IFNGR2: variants seen among roughly 807,000 people sequenced by gnomAD.
IFNGR2 encodes the protein interferon gamma receptor 2, also known as IFN-gamma receptor 2.
Under a neutral mutation model 41.1 loss-of-function variants are expected in IFNGR2, and 15 were observed. The ratio of observed to expected loss-of-function variants is 0.37; its 90% confidence interval spans 0.24 to 0.56. The LOEUF is 0.56. Ranked by LOEUF, IFNGR2 falls within the 20% of genes least tolerant of loss-of-function variation. IFNGR2 has a pLI of 0.81. For missense variants in IFNGR2, 362 were observed against 415.7 expected, an observed-to-expected ratio of 0.87 and a Z score of 1.12; for synonymous variants, 161 against 171.6, an observed-to-expected ratio of 0.94 and a Z score of 0.48.
intron 1 of IFNGR2, among the ~76,000 whole-genome samples, chr21:33,412,851 G>A (rs547746604): frequency 6.6e-6 from 1 of 152,302 alleles, no homozygotes; most frequent in East Asian, 1.9e-4. Context: ...CACTGTGCCC[G>A]GCCAGGAGTT....
intron 2 of IFNGR2, among the ~76,000 whole-genome samples, chr21:33,415,901 G>A (rs1340654248): frequency 1.3e-5 from 2 of 152,116 alleles, no homozygotes; most frequent in East Asian, 1.9e-4. Flanking sequence ...TCCCTCTATC[G>A]CCCAGGCTGG....
intron 1 of IFNGR2, among the ~76,000 whole-genome samples, chr21:33,403,915 A>G (rs2083659228): frequency 6.6e-6 from 1 of 151,702 alleles, no homozygotes; most frequent in Non-Finnish European, 1.5e-5. Context: ...CAGCAGGAAG[A>G]CGGGGGGCAC....
intron 3 of IFNGR2, 90 bp from the exon 4 acceptor site, chr21:33,426,786 TATATATAC>T: frequency 1.6e-6 from 1 of 633,690 alleles, no homozygotes; most frequent in Non-Finnish European, 2.6e-6. Flanking sequence ...ACTATATATA[TATATATAC>T]ATATATATAT....
chr21:33,409,726 G>A (rs1446790833), intron 1 of IFNGR2, among the ~76,000 whole-genome samples: 1 of 152,178 alleles, frequency 6.6e-6, no homozygotes, highest in Non-Finnish European at 1.5e-5. Context: ...AATTAGGTAT[G>A]GCGCTTGAGA....
intron 4 of IFNGR2, among the ~76,000 whole-genome samples, chr21:33,427,844 C>CTTTTTTTTTT (rs71194844): frequency 3.2e-5 from 4 of 125,508 alleles, no homozygotes; most frequent in Non-Finnish European, 6.5e-5. Flanking sequence ...CTCATTTCAT[C>CTTTTTTTTTT]TTTTTTTTTT....
At position 33,425,870 on chromosome 21, in the gene IFNGR2, G is replaced by A. The variant is rs1046528946; in HGVS notation, c.413-1014G>A. Among the ~76,000 whole-genome samples, 7 of 152,354 alleles carry A rather than the reference G, an allele frequency of 4.6e-5. No individual in the cohort carries two copies. In the East Asian group the frequency reaches 1.2e-3, roughly 25 times the overall value. ...GGGGAGAGAATCCAGCCCTGCTGTT[G>A]TGAACACACAGTGACAGGATTGTCT... On this transcript the variant is annotated intron_variant, in intron 3 of 6. Transcript: ENST00000290219.
rs945274699 is a variant in IFNGR2 at position 33,421,662 on chromosome 21, C to T, written c.389C>T (p.Pro130Leu). 1 of 1,613,944 alleles carries T rather than the reference C, an allele frequency of 6.2e-7. No individual in the cohort carries two copies. Among genetic ancestry groups the T allele is most frequent in the Non-Finnish European group, 8.5e-7 (1 of 1,179,818 alleles). ...GALHSAWVTM[P>L]WFQHYRNVTV... The stretch of plus-strand genomic sequence containing the variant: ...CTCCATTCTGCCTGGGTGACAATGC[C>T]TTGGTTTCAACACTATCGGAATGGT... Residue 130 changes from proline to leucine, a missense_variant, in exon 3 of 7, where the codon CCT becomes CTT. By Grantham distance (98) the Pro-to-Leu change is moderately conservative (BLOSUM62 -3). Coordinates refer to ENST00000290219, the MANE Select transcript of IFNGR2 (RefSeq NM_005534.4).
chr21:33,417,765 C>T (rs2083763912), intron 2 of IFNGR2, among the ~76,000 whole-genome samples: 1 of 152,106 alleles, frequency 6.6e-6, no homozygotes. Flanking sequence ...AAACAAGAAG[C>T]TTGTTGTGAG....
At chr21:33,415,974 G>C (rs951716555) in intron 2 of IFNGR2, among the ~76,000 whole-genome samples, 1 of 152,172 alleles carries the variant, frequency 6.6e-6, no homozygotes, top group Admixed American at 6.5e-5. Flanking sequence ...TGATTCTCAT[G>C]CCTCCTGAGT....
In IFNGR2 at chr21:33,437,241, T is replaced by C; in HGVS notation, c.*279T>C. The stretch of plus-strand genomic sequence containing the variant: ...ACTAAAAAGGCATGTAATTGCTTGT[T>C]AGCAAAATGGATATGACACATCTCT... On this transcript the variant is annotated 3_prime_UTR_variant, in exon 7 of 7. Coordinates refer to ENST00000290219, the MANE Select transcript of IFNGR2 (RefSeq NM_005534.4). 2 of 406,398 alleles carry C rather than the reference T, an allele frequency of 4.9e-6. No homozygotes were observed. Among genetic ancestry groups the C allele is most frequent in the South Asian group, 4.9e-5 (2 of 40,562 alleles). 25.2% of individuals were successfully genotyped at this position (406,398 alleles called of 1,614,324 possible).
chr21:33,409,039 C>T (rs2083697719), intron 1 of IFNGR2, among the ~76,000 whole-genome samples: 4 of 151,906 alleles, frequency 2.6e-5, no homozygotes, highest in Admixed American at 2.0e-4. Context: ...TAGCTGGGCA[C>T]AGTGGCGGGT....
At chr21:33,431,165 C>T (rs976675721) in intron 4 of IFNGR2, among the ~76,000 whole-genome samples, 2 of 152,170 alleles carry the variant, frequency 1.3e-5, no homozygotes, top group African/African-American at 4.8e-5. Context: ...CTATAGGAGG[C>T]TCAAGCACAT....
chr21:33,403,381 G>T (rs2083654366), upstream of IFNGR2: 2 of 225,866 alleles, frequency 8.9e-6, no homozygotes, highest in South Asian at 3.0e-4. Flanking sequence ...GCGGGCGGCC[G>T]AGCCGAATCC....
chr21:33,413,041 T>G (rs2083728128), intron 1 of IFNGR2, among the ~76,000 whole-genome samples: 1 of 152,234 alleles, frequency 6.6e-6, no homozygotes, highest in Non-Finnish European at 1.5e-5. Context: ...TGGGGTTAAT[T>G]ATTAGCTTAA....
chr21:33,431,322 C>T (rs1415278389), intron 4 of IFNGR2, among the ~76,000 whole-genome samples: 2 of 152,128 alleles, frequency 1.3e-5, no homozygotes, highest in Non-Finnish European at 2.9e-5. Context: ...ATAATCCCAG[C>T]ACTTTGGGAG....
intron 3 of IFNGR2, among the ~76,000 whole-genome samples, chr21:33,426,269 C>T (rs546982749): frequency 6.6e-6 from 1 of 151,908 alleles, no homozygotes; most frequent in South Asian, 2.1e-4. Flanking sequence ...AAAAATTAGC[C>T]GGGTATGGTG....
At chr21:33,422,411 T>C (rs184602528) in intron 3 of IFNGR2, among the ~76,000 whole-genome samples, 4 of 152,342 alleles carry the variant, frequency 2.6e-5, no homozygotes, top group Admixed American at 2.0e-4. Flanking sequence ...ATAAGACAAT[T>C]GAAATGTGAT....
Position 33,436,946 on chromosome 21 carries a change from T to G in IFNGR2, c.998T>G (p.Val333Gly). The change falls in exon 7 of 7, where the codon GTT becomes GGT. Residue 333 changes from valine (V) to glycine (G), a missense_variant. Physicochemically the swap from Val to Gly is moderately radical, Grantham distance 109. Coordinates refer to ENST00000290219, the MANE Select transcript of IFNGR2 (RefSeq NM_005534.4). ...ISFPEKEQED[V>G]LQTL ...TTTCCGGAAAAGGAGCAAGAAGATG[T>G]TCTCCAAACGCTTTGAACCAAAGCA... 6 of 1,613,962 alleles carry G rather than the reference T, an allele frequency of 3.7e-6. No homozygotes were observed. Among genetic ancestry groups the G allele is most frequent in the Non-Finnish European group, 5.1e-6 (6 of 1,179,956 alleles).
At chr21:33,428,071 C>T (rs896145897) in intron 4 of IFNGR2, among the ~76,000 whole-genome samples, 37 of 151,930 alleles carry the variant, frequency 2.4e-4, no homozygotes, top group African/African-American at 7.7e-4. Context: ...AGAGAGAATC[C>T]AAGTCGTTAA....
Sources: allele counts gnomAD v4.1 joint callset (sites outside exome capture counted in the v4.1 genomes callset), GRCh38; gene constraint gnomAD v4.1.1; transcripts MANE v1.5; gene names NCBI Gene and HGNC (gene_info 2026-07-23, HGNC 2026-07-21).